CMIP: variants seen among roughly 807,000 people sequenced by gnomAD.
CMIP encodes the protein c-Maf inducing protein, also known as C-Maf-inducing protein.
CMIP carries 13 observed loss-of-function variants against 97.3 expected under a neutral mutation model. The observed-to-expected ratio is 0.13, with a 90% CI of 0.09 to 0.21. CMIP has a LOEUF of 0.21. Ranked by LOEUF, CMIP falls within the 10% of genes least tolerant of loss-of-function variation. The pLI is 1.00. For missense variants in CMIP, 847 were observed against 1,024.9 expected, an observed-to-expected ratio of 0.83 and a Z score of 2.37; for synonymous variants, 538 against 436.3, an observed-to-expected ratio of 1.23 and a Z score of -2.91.
chr16:81,572,392 G>C (rs933228397), intron 1 of CMIP, among the ~76,000 whole-genome samples: 11 of 152,218 alleles, frequency 7.2e-5, no homozygotes, highest in Non-Finnish European at 1.3e-4. Context: ...GGGGTAGGGT[G>C]GGGGCGTGCG....
chr16:81,510,184 G>A (rs2089784054), intron 1 of CMIP, among the ~76,000 whole-genome samples: 2 of 152,160 alleles, frequency 1.3e-5, no homozygotes, highest in Admixed American at 1.3e-4. Context: ...CACCCTCTTT[G>A]TGTTATAGTT....
At chr16:81,702,582 G>A (rs760610243) in intron 16 of CMIP, 40 bp from the exon 17 acceptor site, 2 of 1,601,038 alleles carry the variant, frequency 1.2e-6, no homozygotes, top group South Asian at 1.1e-5. Flanking sequence ...TGGAAACTTG[G>A]GGAAAAGAAT....
At chr16:81,499,671 G>A (rs1164440953) in intron 1 of CMIP, among the ~76,000 whole-genome samples, 1 of 152,248 alleles carries the variant, frequency 6.6e-6, no homozygotes, top group Non-Finnish European at 1.5e-5. Flanking sequence ...CCTCTGCCCG[G>A]GGAGCAGAGG....
chr16:81,495,903 A>G (rs1481915009), intron 1 of CMIP, among the ~76,000 whole-genome samples: 1 of 152,186 alleles, frequency 6.6e-6, no homozygotes. Flanking sequence ...CTTATCTGTA[A>G]AATGCAGTTT....
At chr16:81,670,699 A>G (rs2151040947) in intron 8 of CMIP, among the ~76,000 whole-genome samples, 1 of 150,600 alleles carries the variant, frequency 6.6e-6, no homozygotes, top group South Asian at 2.1e-4. Flanking sequence ...CATCTGTCAC[A>G]CAAGAACCAT....
chr16:81,695,108 G>T (rs908797023), intron 13 of CMIP, among the ~76,000 whole-genome samples: 1 of 152,174 alleles, frequency 6.6e-6, no homozygotes, highest in African/African-American at 2.4e-5. Flanking sequence ...TCAAACCAGG[G>T]AAATGTGCAT....
intron 1 of CMIP, among the ~76,000 whole-genome samples, chr16:81,580,385 G>T (rs2091275835): frequency 6.6e-6 from 1 of 151,954 alleles, no homozygotes; most frequent in South Asian, 2.1e-4. Context: ...ATATGAAATT[G>T]CCCACTTAAT....
chr16:81,671,483 A>G (rs1281375565), intron 8 of CMIP, among the ~76,000 whole-genome samples: 1 of 152,254 alleles, frequency 6.6e-6, no homozygotes, highest in Non-Finnish European at 1.5e-5. Context: ...TTTTTCTTCC[A>G]AAGCAGGATA....
chr16:81,514,918 G>A (rs958846437), intron 1 of CMIP, among the ~76,000 whole-genome samples: 1 of 152,228 alleles, frequency 6.6e-6, no homozygotes, highest in Non-Finnish European at 1.5e-5. Context: ...CACAGACCAA[G>A]TGGGGCGCTG....
At chr16:81,528,033 A>G (rs1477093594) in intron 1 of CMIP, among the ~76,000 whole-genome samples, 1 of 152,208 alleles carries the variant, frequency 6.6e-6, no homozygotes, top group African/African-American at 2.4e-5. Context: ...ACCAGTTTAC[A>G]TTCCCAGGAG....
In CMIP at chr16:81,535,466, CTTT is replaced by C. The variant is rs34961950; in HGVS notation, c.301-72084_301-72082del. 2.7e-3 allele frequency among the ~76,000 whole-genome samples: 358 copies of C among 134,374 alleles called. 1 individual carries two copies. The highest frequency in any genetic ancestry group is 3.1e-3 in the Admixed American group (41 of 13,374). The allele number at this position is 134,374 out of a possible 152,430, so 88.2% of individuals were successfully genotyped here. A position where few individuals can be genotyped will look rare whatever the true frequency, so the allele number is the denominator to read the frequency against. ...CTGCTCATGGTATAGCACTGGAATG[CTTT>C]TTTTTTTTTTTTTTTTAAACAGCTG... On this transcript the variant is annotated intron_variant, in intron 1 of 20. Coordinates refer to ENST00000537098, the MANE Select transcript of CMIP (RefSeq NM_198390.3).
At chr16:81,661,230 A>G (rs4390583) in intron 6 of CMIP, among the ~76,000 whole-genome samples, 2 of 152,098 alleles carry the variant, frequency 1.3e-5, no homozygotes, top group Non-Finnish European at 2.9e-5. Context: ...TCCTGGGCTC[A>G]TGACGTCAGA....
intron 1 of CMIP, among the ~76,000 whole-genome samples, chr16:81,445,928 TG>T (rs1905808521): frequency 7.1e-6 from 1 of 140,534 alleles, no homozygotes; most frequent in Non-Finnish European, 1.5e-5. Context: ...ATCTGAGGGG[TG>T]GGGGAGGGGA....
At chr16:81,448,232 G>T (rs1325831538) in intron 1 of CMIP, among the ~76,000 whole-genome samples, 1 of 152,238 alleles carries the variant, frequency 6.6e-6, no homozygotes, top group East Asian at 1.9e-4. Context: ...GAATCATCTG[G>T]TAATTATCTG....
intron 2 of CMIP, among the ~76,000 whole-genome samples, chr16:81,608,898 C>T (rs1363194130): frequency 6.6e-6 from 1 of 152,200 alleles, no homozygotes; most frequent in Non-Finnish European, 1.5e-5. Context: ...CTTCTCTTAG[C>T]CCAAAGAGAT....
At chr16:81,675,259 G>T (rs548732677) in intron 9 of CMIP, among the ~76,000 whole-genome samples, 1 of 152,046 alleles carries the variant, frequency 6.6e-6, no homozygotes, top group South Asian at 2.1e-4. Flanking sequence ...GCTGGAGTGC[G>T]GTGGCGCAAT....
intron 1 of CMIP, among the ~76,000 whole-genome samples, chr16:81,488,452 A>G (rs2150763931): frequency 6.6e-6 from 1 of 152,332 alleles, no homozygotes; most frequent in Middle Eastern, 3.4e-3. Flanking sequence ...GGCCCGATGC[A>G]CGGAGGGAGT....
chr16:81,585,996 C>T (rs2091376004), intron 1 of CMIP, among the ~76,000 whole-genome samples: 2 of 152,210 alleles, frequency 1.3e-5, no homozygotes, highest in East Asian at 3.9e-4. Flanking sequence ...TGTTAGTGAA[C>T]GTGTGGTCCA....
chr16:81,544,951 C>G (rs567818497), intron 1 of CMIP, among the ~76,000 whole-genome samples: 1 of 152,242 alleles, frequency 6.6e-6, no homozygotes, highest in South Asian at 2.1e-4. Flanking sequence ...GCAGAGAAGG[C>G]TGCCAAATTG....
Sources: allele counts gnomAD v4.1 joint callset (sites outside exome capture counted in the v4.1 genomes callset), GRCh38; gene constraint gnomAD v4.1.1; transcripts MANE v1.5; gene names NCBI Gene and HGNC (gene_info 2026-07-23, HGNC 2026-07-21).